The following AFF1 variants were observed in gnomAD, a reference collection of about 807,000 sequenced individuals.
AFF1 encodes ALF transcription elongation factor 1.
Under a neutral mutation model 121.7 loss-of-function variants are expected in AFF1, and 48 were observed. The ratio of observed to expected loss-of-function variants is 0.39; its 90% CI spans 0.31 to 0.50. AFF1 has a LOEUF of 0.50. Ranked by LOEUF, AFF1 falls within the 20% of genes least tolerant of loss-of-function variation. AFF1 has a pLI of 0.76. For missense variants in AFF1, 1,523 were observed against 1,511.7 expected (o/e 1.01, Z -0.12); for synonymous variants, 613 against 563.0 (o/e 1.09, Z -1.26).
intron 11 of AFF1, among the ~76,000 whole-genome samples, chr4:87,110,672 A>AT (rs1560634956): frequency 1.3e-5 from 2 of 152,176 alleles, no homozygotes; most frequent in Non-Finnish European, 2.9e-5. Context: ...CCCCATAGCT[A>AT]TGTAGTGTTA....
intron 2 of AFF1, among the ~76,000 whole-genome samples, chr4:86,989,346 A>C (rs1209757511): frequency 6.6e-6 from 1 of 152,206 alleles, no homozygotes; most frequent in Non-Finnish European, 1.5e-5. Context: ...GAAACAAACA[A>C]CACCATCCAA....
chr4:87,060,835 C>CAAAAAAAAAAAA (rs749186199), intron 4 of AFF1, among the ~76,000 whole-genome samples: 46 of 62,206 alleles, frequency 7.4e-4, no homozygotes, highest in Non-Finnish European at 1.1e-3. Context: ...GACTCTGTCT[C>CAAAAAAAAAAAA]AAAAAAAAAA....
intron 2 of AFF1, among the ~76,000 whole-genome samples, chr4:86,980,952 C>CCG (rs1553912223): frequency 7.4e-6 from 1 of 136,010 alleles, no homozygotes; most frequent in Non-Finnish European, 1.6e-5. Flanking sequence ...GAGGCACCCC[C>CCG]CCCCTCCACC....
intron 2 of AFF1, among the ~76,000 whole-genome samples, chr4:87,003,990 C>CA (rs1246504955): frequency 6.6e-6 from 1 of 152,196 alleles, no homozygotes; most frequent in African/African-American, 2.4e-5. Flanking sequence ...TCTAAATAAG[C>CA]ATGATCTAGG....
intron 12 of AFF1, among the ~76,000 whole-genome samples, chr4:87,123,355 A>AG (rs1727909086): frequency 6.6e-6 from 1 of 152,212 alleles, no homozygotes; most frequent in Non-Finnish European, 1.5e-5. Flanking sequence ...ATTCAAGTTC[A>AG]GGTGCTCCCT....
chr4:86,939,466 G>A (rs1720296472), intron 1 of AFF1, among the ~76,000 whole-genome samples: 1 of 152,084 alleles, frequency 6.6e-6, no homozygotes. Context: ...TTTTCATTTA[G>A]GATTTTGAAC....
At chr4:87,105,759 G>GT in intron 9 of AFF1, 49 bp from the exon 10 acceptor site, 5 of 1,613,756 alleles carry the variant, frequency 3.1e-6, no homozygotes, top group Non-Finnish European at 3.4e-6. Flanking sequence ...GTTCTAACCT[G>GT]TTTTTTGTTC....
intron 2 of AFF1, chr4:87,007,127 A>T (rs1187369098): frequency 7.9e-7 from 1 of 1,267,034 alleles, no homozygotes; most frequent in Admixed American, 4.0e-5. Flanking sequence ...CTTGCCCCGG[A>T]TTCGGACGCG....
At chr4:87,010,336 G>C (rs1726613109) in intron 2 of AFF1, among the ~76,000 whole-genome samples, 1 of 152,200 alleles carries the variant, frequency 6.6e-6, no homozygotes, top group Admixed American at 6.5e-5. Context: ...TGTATTCCTA[G>C]AGTTGAGAAA....
At chr4:87,096,151 G>A (rs891665014) in intron 8 of AFF1, among the ~76,000 whole-genome samples, 3 of 152,088 alleles carry the variant, frequency 2.0e-5, no homozygotes, top group Admixed American at 6.6e-5. Context: ...AAGACGAGGT[G>A]TTTTTGTTTT....
At chr4:87,061,686 A>G (rs938811857) in intron 4 of AFF1, among the ~76,000 whole-genome samples, 3 of 152,190 alleles carry the variant, frequency 2.0e-5, no homozygotes, top group African/African-American at 7.2e-5. Context: ...GGCCCTTGAT[A>G]TCACCTGCTT....
At chr4:86,977,071 T>C (rs1285425327) in intron 2 of AFF1, among the ~76,000 whole-genome samples, 1 of 152,202 alleles carries the variant, frequency 6.6e-6, no homozygotes, top group African/African-American at 2.4e-5. Flanking sequence ...TGAAGGCCTA[T>C]TTGCAGTGGA....
intron 19 of AFF1, among the ~76,000 whole-genome samples, chr4:87,132,989 CCTGGCCGAGCTTTGAGGAT>C (rs1367232920): frequency 6.6e-6 from 1 of 152,254 alleles, no homozygotes; most frequent in East Asian, 1.9e-4. Context: ...AGCCACCGCA[CCTGGCCGAGCTTTGAGGAT>C]CTTTAGATAA....
intron 2 of AFF1, among the ~76,000 whole-genome samples, chr4:87,030,879 G>C (rs1363518328): frequency 1.3e-5 from 2 of 152,148 alleles, no homozygotes; most frequent in Non-Finnish European, 2.9e-5. Flanking sequence ...AGGAGCAAAA[G>C]GGGTCTGGGA....
chr4:87,038,347 T>C (rs967790925), intron 2 of AFF1, among the ~76,000 whole-genome samples: 5 of 152,360 alleles, frequency 3.3e-5, no homozygotes, highest in Middle Eastern at 3.4e-3. Context: ...CAACATTTTA[T>C]CCTGCCTTCA....
At chr4:87,069,128 C>G (rs1211968866) in intron 4 of AFF1, among the ~76,000 whole-genome samples, 2 of 152,102 alleles carry the variant, frequency 1.3e-5, no homozygotes, top group African/African-American at 2.4e-5. Context: ...AGAGAAGGAT[C>G]AAAATGACCT....
In AFF1 at chr4:87,115,440, T is replaced by A. The variant is rs1300972912; in HGVS notation, c.2466+141T>A. 3 of 890,258 alleles carry A rather than the reference T, an allele frequency of 3.4e-6. No homozygotes were observed. The East Asian group carries it at 8.0e-5, about 24-fold the overall frequency. The allele number at this position is 890,258 out of a possible 1,614,324, so 55.1% of individuals were successfully genotyped here. A position where few individuals can be genotyped will look rare whatever the true frequency, so the allele number is the denominator to read the frequency against. On this transcript the variant is annotated intron_variant, in intron 12 of 20. Transcript: ENST00000395146. Reference sequence around the variant, plus strand: ...TTTGATTCGCTGTAGCCTTTGCATCTTCTTCCAGCATTACCTGTCTGGACT... The same window carrying A: ...TTTGATTCGCTGTAGCCTTTGCATCATCTTCCAGCATTACCTGTCTGGACT...
intron 2 of AFF1, among the ~76,000 whole-genome samples, chr4:86,982,654 G>C (rs557986831): frequency 6.6e-6 from 1 of 151,412 alleles, no homozygotes; most frequent in South Asian, 2.1e-4. Context: ...AGCCCAGCCT[G>C]GCCAACATGG....
At chr4:86,953,872 C>A (rs1185132660) in intron 2 of AFF1, among the ~76,000 whole-genome samples, 4 of 152,002 alleles carry the variant, frequency 2.6e-5, no homozygotes, top group Non-Finnish European at 5.9e-5. Flanking sequence ...CCACGCCCAG[C>A]TAATTTTTGT....
Sources: gnomAD v4.1 joint callset for allele counts (sites outside exome capture counted in the v4.1 genomes callset) on GRCh38, gnomAD v4.1.1 for gene constraint, MANE v1.5 for transcripts, NCBI Gene and HGNC (gene_info 2026-07-23, HGNC 2026-07-21) for gene names.